Variants in PKIA observed in about 807,000 individuals in gnomAD.
The protein encoded by PKIA is PKI-alpha.
In PKIA, 4 loss-of-function variants were observed where a neutral mutation model predicts 7.6. The observed-to-expected ratio is 0.52, with a 90% confidence interval of 0.26 to 1.20. The LOEUF (loss-of-function observed/expected upper bound fraction) is 1.20. PKIA is among the 50% of genes most tolerant of loss of function. The pLI, the probability that PKIA is intolerant of heterozygous loss-of-function variation, is 0.13. For synonymous variants in PKIA, 21 were observed against 30.7 expected (o/e 0.68, Z 1.04); for missense variants, 73 against 86.2 (o/e 0.85, Z 0.61).
intron 2 of PKIA, among the ~76,000 whole-genome samples, chr8:78,594,434 T>G (rs1421866153): frequency 1.3e-5 from 2 of 151,600 alleles, no homozygotes; most frequent in African/African-American, 4.8e-5. Flanking sequence ...AAATTCAGAA[T>G]GTGTTCTATA....
At chr8:78,546,740 C>T (rs1333527989) in intron 1 of PKIA, among the ~76,000 whole-genome samples, 2 of 152,104 alleles carry the variant, frequency 1.3e-5, no homozygotes, top group East Asian at 1.9e-4. Flanking sequence ...TCTTGTAACC[C>T]GTTTAGTCTA....
At chr8:78,588,415 G>A (rs1808010663) in intron 2 of PKIA, among the ~76,000 whole-genome samples, 5 of 152,176 alleles carry the variant, frequency 3.3e-5, no homozygotes, top group Admixed American at 3.3e-4. Flanking sequence ...AGGAGGCGGA[G>A]GTTGCGGTGA....
intron 2 of PKIA, among the ~76,000 whole-genome samples, chr8:78,588,956 G>C (rs557768772): frequency 6.6e-6 from 1 of 151,600 alleles, no homozygotes. Flanking sequence ...AGAGTTAAAA[G>C]ATAAAAGATT....
intron 2 of PKIA, among the ~76,000 whole-genome samples, chr8:78,595,984 C>T (rs368267291): frequency 7.9e-5 from 12 of 152,196 alleles, no homozygotes; most frequent in African/African-American, 2.9e-4. Context: ...ATATTCCCAT[C>T]AGTAGTGTAA....
chr8:78,520,994 A>C (rs1340940804), intron 1 of PKIA, among the ~76,000 whole-genome samples: 1 of 152,130 alleles, frequency 6.6e-6, no homozygotes, highest in Non-Finnish European at 1.5e-5. Flanking sequence ...ATGACTAGGA[A>C]GCAAGTGCTA....
In PKIA at chr8:78,603,748, T is replaced by A. The variant is rs1443929854; in HGVS notation, c.*1927T>A. 2 of 152,034 alleles carry A rather than the reference T, an allele frequency of 1.3e-5. No homozygotes were observed. Among genetic ancestry groups the A allele is most frequent in the Non-Finnish European group, 2.9e-5 (2 of 67,946 alleles). The allele number at this position is 152,034 out of a possible 1,614,324, so 9.4% of individuals were successfully genotyped here. A position where few individuals can be genotyped will look rare whatever the true frequency, so the allele number is the denominator to read the frequency against. Reference sequence around the variant, plus strand: ...TCCTCATTTAATATTTTAATAGGTTTCTTGTGAATTTAAACTTCTCTTCTT... The same window carrying A: ...TCCTCATTTAATATTTTAATAGGTTACTTGTGAATTTAAACTTCTCTTCTT... On this transcript the variant is annotated 3_prime_UTR_variant, in exon 4 of 4. Coordinates refer to ENST00000396418, the MANE Select transcript of PKIA (RefSeq NM_006823.4).
At position 78,568,205 on chromosome 8, in the gene PKIA, A is replaced by G. The variant is rs188986468; in HGVS notation, c.-156-4606A>G. Among the ~76,000 whole-genome samples, 17 of 152,308 alleles carry G rather than the reference A, an allele frequency of 1.1e-4. No homozygotes were observed. In the East Asian group the frequency reaches 2.7e-3, roughly 24 times the overall value. ...TATGTTGCTATGCATATGTACATCA[A>G]GCTAAGGATGAGTTTATATTAATGT... On this transcript the variant is annotated intron_variant, in intron 1 of 3. Transcript: ENST00000396418.
At chr8:78,578,725 T>C (rs1807735561) in intron 2 of PKIA, among the ~76,000 whole-genome samples, 1 of 151,982 alleles carries the variant, frequency 6.6e-6, no homozygotes. Context: ...GTCTCCTTTG[T>C]GATGCCTCCA....
intron 1 of PKIA, among the ~76,000 whole-genome samples, chr8:78,540,923 T>C (rs1380114621): frequency 7.2e-5 from 11 of 152,082 alleles, no homozygotes; most frequent in Admixed American, 7.2e-4. Context: ...ATTAACCAGA[T>C]GTTTTGCTAA....
rs2130230459 is a variant in PKIA at position 78,586,103 on chromosome 8, T to C, written c.-27-12255T>C. Among the ~76,000 whole-genome samples, 3 of 152,242 alleles carry C rather than the reference T, an allele frequency of 2.0e-5. 1 individual carries two copies. In the South Asian group the frequency reaches 6.2e-4, roughly 32 times the overall value. ...CCACTGCACCCCTGCTCCCTTATTCTCAGGGCCTACCATCTCTGCCTCAAC... is the reference window on the plus strand; with the variant it reads ...CCACTGCACCCCTGCTCCCTTATTCCCAGGGCCTACCATCTCTGCCTCAAC... On this transcript the variant is annotated intron_variant, in intron 2 of 3. Transcript: ENST00000396418.
intron 2 of PKIA, among the ~76,000 whole-genome samples, chr8:78,587,474 T>A (rs901584091): frequency 5.9e-5 from 9 of 152,194 alleles, no homozygotes; most frequent in Non-Finnish European, 1.3e-4. Context: ...ATATTACTTG[T>A]CACTTGCCAA....
chr8:78,597,880 G>C (rs1808261258), intron 2 of PKIA, among the ~76,000 whole-genome samples: 1 of 151,884 alleles, frequency 6.6e-6, no homozygotes, highest in Non-Finnish European at 1.5e-5. Flanking sequence ...CCCATCAACA[G>C]TGGACGAGAT....
chr8:78,529,151 GATTT>G (rs1346807627), intron 1 of PKIA, among the ~76,000 whole-genome samples: 2 of 152,014 alleles, frequency 1.3e-5, no homozygotes, highest in East Asian at 1.9e-4. Flanking sequence ...TTAACAAAAT[GATTT>G]ATTTTAGAAC....
intron 1 of PKIA, among the ~76,000 whole-genome samples, chr8:78,532,805 C>A (rs1405675377): frequency 6.6e-6 from 1 of 151,758 alleles, no homozygotes; most frequent in African/African-American, 2.4e-5. Flanking sequence ...ATCCCAGCTA[C>A]TTGGGAGGCT....
intron 1 of PKIA, among the ~76,000 whole-genome samples, chr8:78,568,949 T>A (rs1807484381): frequency 6.6e-6 from 1 of 152,068 alleles, no homozygotes; most frequent in African/African-American, 2.4e-5. Context: ...CCACCAGAGT[T>A]GTTGCAGTGT....
chr8:78,551,355 A>G (rs1033470571), intron 1 of PKIA, among the ~76,000 whole-genome samples: 1 of 152,060 alleles, frequency 6.6e-6, no homozygotes, highest in Non-Finnish European at 1.5e-5. Context: ...CCATGTTAGC[A>G]TATCTAAATA....
chr8:78,559,834 A>C (rs1807240244), intron 1 of PKIA, among the ~76,000 whole-genome samples: 1 of 152,186 alleles, frequency 6.6e-6, no homozygotes, highest in Admixed American at 6.5e-5. Flanking sequence ...TTCCTGTAAA[A>C]TTGTGTTCAT....
At chr8:78,565,586 A>G (rs1192726708) in intron 1 of PKIA, among the ~76,000 whole-genome samples, 1 of 151,980 alleles carries the variant, frequency 6.6e-6, no homozygotes, top group Non-Finnish European at 1.5e-5. Flanking sequence ...TAAATTATTT[A>G]TTAAGGATAC....
At chr8:78,581,201 A>G (rs1807798975) in intron 2 of PKIA, among the ~76,000 whole-genome samples, 1 of 152,102 alleles carries the variant, frequency 6.6e-6, no homozygotes, top group South Asian at 2.1e-4. Flanking sequence ...AGAATGACAG[A>G]GAGATGTCAA....
Sources: gnomAD v4.1 joint callset for allele counts (sites outside exome capture counted in the v4.1 genomes callset) on GRCh38, gnomAD v4.1.1 for gene constraint, MANE v1.5 for transcripts, NCBI Gene and HGNC (gene_info 2026-07-23, HGNC 2026-07-21) for gene names.